Variants in CADPS2 observed in about 807,000 individuals in gnomAD.
CADPS2 encodes the protein calcium-dependent secretion activator 2.
Under a neutral mutation model 172.5 loss-of-function variants are expected in CADPS2, and 93 were observed. The observed-to-expected ratio is 0.54, with a 90% CI of 0.46 to 0.64. CADPS2 has a LOEUF of 0.64. CADPS2 is among the 30% of genes least tolerant of loss of function. The pLI is 0.00. For missense variants in CADPS2, 1,420 were observed against 1,565.9 expected, an observed-to-expected ratio of 0.91 and a Z score of 1.57; for synonymous variants, 546 against 555.2, an observed-to-expected ratio of 0.98 and a Z score of 0.23.
chr7:122,571,462 C>T (rs2067244618), intron 7 of CADPS2, among the ~76,000 whole-genome samples: 1 of 151,900 alleles, frequency 6.6e-6, no homozygotes, highest in Non-Finnish European at 1.5e-5. Flanking sequence ...TATGATCAGC[C>T]CCTGTAAGTG....
At chr7:122,623,402 G>T (rs559422349) in intron 4 of CADPS2, among the ~76,000 whole-genome samples, 6 of 152,218 alleles carry the variant, frequency 3.9e-5, no homozygotes, top group Middle Eastern at 3.4e-3. Flanking sequence ...AAGCAATGAG[G>T]GGGCAGATCC....
intron 6 of CADPS2, among the ~76,000 whole-genome samples, chr7:122,595,561 A>G (rs573315987): frequency 6.6e-6 from 1 of 152,214 alleles, no homozygotes; most frequent in African/African-American, 2.4e-5. Flanking sequence ...CAAAGGTAAG[A>G]GAGTCTTAAT....
chr7:122,759,997 T>C (rs2093321920), intron 1 of CADPS2, among the ~76,000 whole-genome samples: 1 of 151,472 alleles, frequency 6.6e-6, no homozygotes, highest in Non-Finnish European at 1.5e-5. Flanking sequence ...TATATATATA[T>C]ATATACACAC....
intron 8 of CADPS2, among the ~76,000 whole-genome samples, chr7:122,541,679 A>G (rs998224269): frequency 6.9e-6 from 1 of 145,514 alleles, no homozygotes; most frequent in Admixed American, 6.9e-5. Context: ...ATATGTTTAT[A>G]TATTTATTCA....
intron 2 of CADPS2, among the ~76,000 whole-genome samples, chr7:122,706,952 A>G (rs1377959011): frequency 6.6e-6 from 1 of 151,242 alleles, no homozygotes; most frequent in Non-Finnish European, 1.5e-5. Flanking sequence ...TGGAATCATC[A>G]TGATTATCTT....
chr7:122,703,948 C>T (rs1008382051), intron 2 of CADPS2, among the ~76,000 whole-genome samples: 2 of 151,976 alleles, frequency 1.3e-5, no homozygotes, highest in African/African-American at 2.4e-5. Context: ...TTAAAGATGC[C>T]TTATTGTTTA....
In CADPS2 at chr7:122,479,682, C is replaced by T. The variant is rs2057069601; in HGVS notation, c.1861+1170G>A. Among the ~76,000 whole-genome samples the T allele has an allele frequency of 2.6e-5, 4 of 152,034 alleles. No homozygotes were observed. The South Asian group carries it at 8.3e-4, about 32-fold the overall frequency. On this transcript the variant is annotated intron_variant, in intron 12 of 29. Coordinates refer to ENST00000449022, the MANE Select transcript of CADPS2 (RefSeq NM_017954.11). ...ATGACAATTTTGATCAACACAGAAACCTAGAATTACAAATAAGCAAAGTAA... is the reference window on the plus strand; with the variant it reads ...ATGACAATTTTGATCAACACAGAAATCTAGAATTACAAATAAGCAAAGTAA...
rs532684500 is a variant in CADPS2, at chr7:122,655,623, C to T, written c.786+7614G>A. Among the ~76,000 whole-genome samples, 162 of 152,110 alleles carry T rather than the reference C, an allele frequency of 1.1e-3. No individual in the cohort carries two copies. The Middle Eastern group carries it at 0.014, about 13-fold the overall frequency. On this transcript the variant is annotated intron_variant, in intron 3 of 29. Transcript: ENST00000449022. The stretch of plus-strand genomic sequence containing the variant: ...TGTGAAATAAAAAAAAATTGTGTGA[C>T]CTGCTTTATTGCAATATTCACTTTG...
chr7:122,835,367 A>C (rs1262721414), intron 1 of CADPS2, among the ~76,000 whole-genome samples: 4 of 152,232 alleles, frequency 2.6e-5, no homozygotes, highest in African/African-American at 7.2e-5. Flanking sequence ...AATTCTAAAA[A>C]TCAGAGCACC....
chr7:122,621,810 G>A, intron 4 of CADPS2, 93 bp from the exon 5 acceptor site: 1 of 730,058 alleles, frequency 1.4e-6, no homozygotes, highest in Non-Finnish European at 2.2e-6. Flanking sequence ...CACTGTCTTA[G>A]AAATTACAAC....
chr7:122,420,345 G>A (rs1033227517), intron 17 of CADPS2, among the ~76,000 whole-genome samples: 2 of 152,132 alleles, frequency 1.3e-5, no homozygotes, highest in Non-Finnish European at 2.9e-5. Flanking sequence ...AGTACCCTGT[G>A]TTCTAGTGAA....
At chr7:122,335,755 G>A (rs2035765335) in intron 28 of CADPS2, among the ~76,000 whole-genome samples, 3 of 152,086 alleles carry the variant, frequency 2.0e-5, no homozygotes, top group African/African-American at 7.2e-5. Context: ...GATGATTAAA[G>A]GGCTAGAAAA....
At chr7:122,724,127 T>C (rs1304806486) in intron 2 of CADPS2, among the ~76,000 whole-genome samples, 1 of 152,044 alleles carries the variant, frequency 6.6e-6, no homozygotes, top group African/African-American at 2.4e-5. Context: ...TGTATTCATA[T>C]GTAACAAACC....
chr7:122,590,844 T>C (rs1195918189), intron 6 of CADPS2, among the ~76,000 whole-genome samples: 4 of 151,990 alleles, frequency 2.6e-5, no homozygotes, highest in Admixed American at 6.6e-5. Context: ...TATAAACAAA[T>C]ACTATTTCCC....
At chr7:122,834,497 C>G (rs1807644427) in intron 1 of CADPS2, among the ~76,000 whole-genome samples, 2 of 152,120 alleles carry the variant, frequency 1.3e-5, no homozygotes, top group Admixed American at 1.3e-4. Flanking sequence ...CAATGCCTCA[C>G]CCGGGGAGCA....
chr7:122,621,779 A>T, intron 4 of CADPS2, 62 bp from the exon 5 acceptor site: 4 of 907,978 alleles, frequency 4.4e-6, no homozygotes, highest in Non-Finnish European at 5.0e-6. Context: ...TATCATACAA[A>T]ATTGTATGAT....
At chr7:122,345,230 A>T (rs2037391310) in intron 28 of CADPS2, among the ~76,000 whole-genome samples, 1 of 152,106 alleles carries the variant, frequency 6.6e-6, no homozygotes, top group African/African-American at 2.4e-5. Context: ...GGCTCAAGCG[A>T]TTCTTGTGCT....
intron 17 of CADPS2, among the ~76,000 whole-genome samples, chr7:122,417,015 C>T (rs764906910): frequency 6.6e-6 from 1 of 152,134 alleles, no homozygotes; most frequent in Non-Finnish European, 1.5e-5. Context: ...TCTCTTTGCT[C>T]AGCAAGGAGG....
At chr7:122,353,971 T>TC (rs1475590279) in intron 27 of CADPS2, among the ~76,000 whole-genome samples, 6 of 152,134 alleles carry the variant, frequency 3.9e-5, no homozygotes, top group Non-Finnish European at 8.8e-5. Context: ...AGATTTTTTT[T>TC]CCCTCTTTCT....
Sources: gnomAD v4.1 joint callset for allele counts (sites outside exome capture counted in the v4.1 genomes callset) on GRCh38, gnomAD v4.1.1 for gene constraint, MANE v1.5 for transcripts, NCBI Gene and HGNC (gene_info 2026-07-23, HGNC 2026-07-21) for gene names.